Variants in CCDC93 observed in about 807,000 individuals in gnomAD.
CCDC93 encodes the protein CCC complex scaffolding subunit CCDC93.
CCDC93 carries 61 observed loss-of-function variants against 108.2 expected under a neutral mutation model. The observed-to-expected ratio is 0.56, with a 90% CI of 0.46 to 0.70. The LOEUF (loss-of-function observed/expected upper bound fraction) is 0.70, where lower values mean the gene tolerates loss of function less well. Ranked by LOEUF, CCDC93 falls within the 30% of genes least tolerant of loss-of-function variation. The probability of loss-of-function intolerance (pLI) is 0.00; values close to 1 mark genes in which losing one functional copy is unlikely to be tolerated. For missense variants in CCDC93, 685 were observed against 764.2 expected (o/e 0.90, Z 1.22); for synonymous variants, 276 against 260.4 (o/e 1.06, Z -0.58).
chr2:117,987,786 G>T (rs1261453695), intron 6 of CCDC93, among the ~76,000 whole-genome samples: 1 of 152,130 alleles, frequency 6.6e-6, no homozygotes, highest in Non-Finnish European at 1.5e-5. Flanking sequence ...CTCTTAAAAA[G>T]GAATATAAAA....
At chr2:117,990,931 T>C (rs1387597554) in intron 6 of CCDC93, among the ~76,000 whole-genome samples, 1 of 152,140 alleles carries the variant, frequency 6.6e-6, no homozygotes, top group Non-Finnish European at 1.5e-5. Flanking sequence ...GATTTAGTTT[T>C]TGTTTTTCTC....
intron 23 of CCDC93, among the ~76,000 whole-genome samples, chr2:117,929,047 G>T (rs1271578633): frequency 6.6e-6 from 1 of 151,700 alleles, no homozygotes; most frequent in African/African-American, 2.4e-5. Context: ...ACTCATAGTT[G>T]GGAATTGAAC....
chr2:117,983,633 TATATATATATATATATATATA>T (rs1558795355), intron 7 of CCDC93, among the ~76,000 whole-genome samples: 44,514 of 115,444 alleles, frequency 0.39, 7,343 homozygotes, highest in East Asian at 0.44. Context: ...CTCAAAATTA[TATATATATATATATATATATA>T]TATATATATA....
chr2:117,920,358 T>C lies in CCDC93; in HGVS notation c.1881A>G (p.Lys627=). 1 of 1,613,172 alleles carries C rather than the reference T, an allele frequency of 6.2e-7. No homozygotes were observed. The highest frequency in any genetic ancestry group is 8.5e-7 in the Non-Finnish European group (1 of 1,179,338). The part of the protein sequence containing the change: ...RKNEMLLSKV[K]AKAS Reference sequence around the variant, plus strand: ...CTGGGGATGTTCAGGAGGCCTTCGCTTTCACCTTGGACAGCAGCATCTCGT... The same window carrying C: ...CTGGGGATGTTCAGGAGGCCTTCGCCTTCACCTTGGACAGCAGCATCTCGT... Residue 627 remains lysine, a synonymous_variant, in exon 24 of 24, where the codon AAA becomes AAG. Coordinates refer to ENST00000376300, the MANE Select transcript of CCDC93 (RefSeq NM_019044.5).
chr2:117,940,868 C>T (rs979717452), intron 19 of CCDC93, among the ~76,000 whole-genome samples: 1 of 152,130 alleles, frequency 6.6e-6, no homozygotes, highest in African/African-American at 2.4e-5. Context: ...CTCTAGACAC[C>T]AGGGTCACGA....
chr2:117,944,697 AT>A (rs1558775685), intron 17 of CCDC93: 1 of 470,922 alleles, frequency 2.1e-6, no homozygotes, highest in Non-Finnish European at 4.4e-6. Context: ...CTTCCTCAGC[AT>A]AGGGAATATA....
chr2:117,989,698 A>G (rs566582659), intron 6 of CCDC93, among the ~76,000 whole-genome samples: 1 of 152,244 alleles, frequency 6.6e-6, no homozygotes, highest in African/African-American at 2.4e-5. Context: ...TTCCATCTGC[A>G]TATTAGGTAT....
chr2:117,936,906 T>A, intron 20 of CCDC93, 167 bp from the exon 21 acceptor site: 1 of 615,358 alleles, frequency 1.6e-6, no homozygotes, highest in Non-Finnish European at 3.0e-6. Context: ...CCACATGTTC[T>A]GTCTCACAGA....
At chr2:117,927,800 A>T (rs536012721) in intron 23 of CCDC93, among the ~76,000 whole-genome samples, 1 of 152,300 alleles carries the variant, frequency 6.6e-6, no homozygotes, top group South Asian at 2.1e-4. Context: ...CCCCAATGCC[A>T]AGTCAATCCT....
chr2:117,931,546 C>T (rs1678331790), intron 22 of CCDC93: 2 of 194,070 alleles, frequency 1.0e-5, no homozygotes, highest in South Asian at 1.8e-4. Flanking sequence ...TGCTAAACAT[C>T]CTACATTGCA....
At chr2:117,937,938 A>G (rs1420131233) in intron 20 of CCDC93, among the ~76,000 whole-genome samples, 1 of 152,252 alleles carries the variant, frequency 6.6e-6, no homozygotes, top group Non-Finnish European at 1.5e-5. Context: ...GACAGCAGGC[A>G]GTAAAGGTGA....
chr2:117,924,686 C>A (rs1678013282), intron 23 of CCDC93, among the ~76,000 whole-genome samples: 1 of 152,178 alleles, frequency 6.6e-6, no homozygotes, highest in South Asian at 2.1e-4. Flanking sequence ...GAGAATGGAA[C>A]CAAGTTGGAA....
chr2:117,940,942 T>A (rs1483554689), intron 19 of CCDC93, among the ~76,000 whole-genome samples: 1 of 152,174 alleles, frequency 6.6e-6, no homozygotes, highest in African/African-American at 2.4e-5. Context: ...CTGACCAGGA[T>A]GAGGGCTGCT....
At chr2:118,005,971 A>G (rs1483725611) in intron 3 of CCDC93, among the ~76,000 whole-genome samples, 2 of 152,156 alleles carry the variant, frequency 1.3e-5, no homozygotes, top group Non-Finnish European at 2.9e-5. Flanking sequence ...GTAGGAAAAC[A>G]AAGCATTTTG....
At chr2:117,953,667 G>C (rs532133151) in intron 12 of CCDC93, among the ~76,000 whole-genome samples, 4 of 150,464 alleles carry the variant, frequency 2.7e-5, no homozygotes, top group African/African-American at 9.8e-5. Context: ...CCTTGTGAAT[G>C]AGATGAGTGC....
rs1364385267 is a variant in CCDC93, at chr2:118,006,766, A to G, written c.207T>C (p.Asp69=). The change falls in exon 3 of 24, where the codon GAT becomes GAC. Residue 69 remains aspartate, a synonymous_variant. Coordinates refer to ENST00000376300, the MANE Select transcript of CCDC93 (RefSeq NM_019044.5). The part of the protein sequence containing the change: ...WCITTCNFDV[D]VDLLFQENST... ...AGTTTTCTTGAAAGAGCAAATCAAC[A>G]TCTACATCAAAGTTGCAAGTGGTGA... 6.2e-7 allele frequency: 1 copy of G among 1,612,874 alleles called. No homozygotes were observed. Among genetic ancestry groups the G allele is most frequent in the Non-Finnish European group, 8.5e-7 (1 of 1,178,834 alleles).
chr2:117,946,715 T>C, intron 16 of CCDC93, 96 bp downstream of exon 16: 3 of 797,622 alleles, frequency 3.8e-6, no homozygotes, highest in South Asian at 1.5e-5. Flanking sequence ...ATTTACAGGA[T>C]AAGTTAGCAA....
intron 22 of CCDC93, among the ~76,000 whole-genome samples, chr2:117,933,372 T>C (rs753745529): frequency 6.6e-6 from 1 of 152,210 alleles, no homozygotes; most frequent in African/African-American, 2.4e-5. Context: ...AGTGTCCCCT[T>C]ACTCAGACGT....
Position 117,949,414 on chromosome 2 carries a change from A to C in CCDC93, c.1069-19T>G. The C allele has an allele frequency of 6.3e-7, 1 of 1,589,440 alleles. No individual in the cohort carries two copies. Among genetic ancestry groups the C allele is most frequent in the Non-Finnish European group, 8.6e-7 (1 of 1,158,042 alleles). On this transcript the variant is annotated intron_variant, in intron 13 of 23. Transcript: ENST00000376300. Reference sequence around the variant, plus strand: ...TCTTCAGCTGCAAGAGAGAATGAAGACATGGTTGCTGGAGCCTTGGTAGCA... The same window carrying C: ...TCTTCAGCTGCAAGAGAGAATGAAGCCATGGTTGCTGGAGCCTTGGTAGCA...
Sources: gnomAD v4.1 joint callset for allele counts (sites outside exome capture counted in the v4.1 genomes callset) on GRCh38, gnomAD v4.1.1 for gene constraint, MANE v1.5 for transcripts, NCBI Gene and HGNC (gene_info 2026-07-23, HGNC 2026-07-21) for gene names.